Variants in EXOC2 observed in about 807,000 individuals in gnomAD.
EXOC2 encodes the protein SEC5-like 1.
Under a neutral mutation model 131.8 loss-of-function variants are expected in EXOC2, and 70 were observed. That is an observed-to-expected ratio of 0.53 (90% CI 0.44 to 0.65). The LOEUF (loss-of-function observed/expected upper bound fraction) is 0.65. Ranked by LOEUF, EXOC2 falls within the 30% of genes least tolerant of loss-of-function variation. The pLI is 0.00. For missense variants in EXOC2, 923 were observed against 1,108.6 expected (o/e 0.83, Z 2.38); for synonymous variants, 411 against 398.4 (o/e 1.03, Z -0.38).
At chr6:633,490 TA>T (rs1435559015) in intron 2 of EXOC2, among the ~76,000 whole-genome samples, 2 of 152,242 alleles carry the variant, frequency 1.3e-5, no homozygotes, top group East Asian at 1.9e-4. Context: ...CATAGAATTT[TA>T]AAGTGTATTA....
chr6:499,578 T>G (rs962929885), intron 24 of EXOC2, 67 bp downstream of exon 24: 3 of 1,382,856 alleles, frequency 2.2e-6, no homozygotes, highest in African/African-American at 1.5e-5. Flanking sequence ...AATAATCAAA[T>G]TTACATCTTT....
intron 4 of EXOC2, among the ~76,000 whole-genome samples, chr6:623,662 C>T (rs1761408571): frequency 6.6e-6 from 1 of 152,162 alleles, no homozygotes; most frequent in African/African-American, 2.4e-5. Flanking sequence ...TGAAACACAG[C>T]CCCCCAATTG....
At chr6:630,066 G>C in intron 3 of EXOC2, 105 bp from the exon 4 acceptor site, 1 of 1,329,752 alleles carries the variant, frequency 7.5e-7, no homozygotes, top group Non-Finnish European at 1.0e-6. Flanking sequence ...CAAAATGCCT[G>C]TTGGATAATC....
At chr6:641,085 A>T (rs1762332433) in intron 1 of EXOC2, among the ~76,000 whole-genome samples, 1 of 152,200 alleles carries the variant, frequency 6.6e-6, no homozygotes, top group Admixed American at 6.5e-5. Flanking sequence ...GTTTAAACAA[A>T]ATTGAAATAA....
intron 11 of EXOC2, among the ~76,000 whole-genome samples, chr6:588,511 T>C (rs187404210): frequency 2.0e-5 from 3 of 152,258 alleles, no homozygotes; most frequent in East Asian, 1.9e-4. Context: ...TATACCACCA[T>C]ACCTGGCTAA....
intron 2 of EXOC2, among the ~76,000 whole-genome samples, chr6:636,867 C>A (rs7743096): frequency 6.6e-6 from 1 of 152,142 alleles, no homozygotes. Context: ...GTCCCTAATA[C>A]CCGTGTATAT....
intron 21 of EXOC2, among the ~76,000 whole-genome samples, chr6:552,334 G>A (rs1031937916): frequency 1.3e-5 from 2 of 152,212 alleles, no homozygotes; most frequent in Non-Finnish European, 2.9e-5. Flanking sequence ...TGATGACCCT[G>A]CATTTCATGC....
chr6:598,468 C>G (rs901960265), intron 9 of EXOC2, among the ~76,000 whole-genome samples: 4 of 152,202 alleles, frequency 2.6e-5, no homozygotes, highest in African/African-American at 4.8e-5. Context: ...TTAGACATAA[C>G]TTCAAAAGTT....
rs9502197 is a variant in EXOC2, at chr6:506,090, C to T, written c.2381-6390G>A. ...TCTCTCGCTTCTCACAAAGACAGTC[C>T]TTTTGAGCATCAGGATCCATTTGAA... On this transcript the variant is annotated intron_variant, in intron 23 of 27. Transcript: ENST00000230449. This position sits in a 1 kb window ranked among gnomAD's most constrained non-coding sequence, Gnocchi z 4.4. Among the ~76,000 whole-genome samples, 208 of 152,292 alleles carry T rather than the reference C, an allele frequency of 1.4e-3. 2 individuals are homozygous for T. The highest frequency in any genetic ancestry group is 4.7e-3 in the African/African-American group (194 of 41,560).
At chr6:578,546 A>G (rs560974455) in intron 11 of EXOC2, among the ~76,000 whole-genome samples, 2 of 152,346 alleles carry the variant, frequency 1.3e-5, no homozygotes, top group South Asian at 2.1e-4. Flanking sequence ...GACGTGACAC[A>G]CTATCATCTC....
chr6:683,134 A>C (rs1764489407), intron 1 of EXOC2, among the ~76,000 whole-genome samples: 1 of 152,214 alleles, frequency 6.6e-6, no homozygotes, highest in Admixed American at 6.5e-5. Flanking sequence ...ACTCCAAGCT[A>C]AACAGACTGA....
chr6:688,306 G>A (rs1448561762), intron 1 of EXOC2, among the ~76,000 whole-genome samples: 10 of 151,574 alleles, frequency 6.6e-5, no homozygotes, highest in African/African-American at 1.9e-4. Flanking sequence ...TGGTGACCAT[G>A]GATTTATAGG....
chr6:639,168 C>T (rs1199916303), intron 1 of EXOC2, among the ~76,000 whole-genome samples: 1 of 152,130 alleles, frequency 6.6e-6, no homozygotes, highest in Admixed American at 6.5e-5. Context: ...CTCAGAGACC[C>T]CCAGCACAGC....
chr6:555,542 T>C (rs1338697052), intron 19 of EXOC2, among the ~76,000 whole-genome samples: 1 of 152,208 alleles, frequency 6.6e-6, no homozygotes, highest in East Asian at 1.9e-4. Context: ...ATTAAGTTTG[T>C]AAAGATATAT....
intron 15 of EXOC2, 44 bp from the exon 16 acceptor site, chr6:564,198 G>T (rs773431990): frequency 6.2e-7 from 1 of 1,600,854 alleles, no homozygotes; most frequent in Admixed American, 1.7e-5. Context: ...GAGTGGGATC[G>T]CAAAGCAATC....
chr6:535,568 AC>A (rs1263449017), intron 22 of EXOC2, among the ~76,000 whole-genome samples: 3 of 152,218 alleles, frequency 2.0e-5, no homozygotes, highest in African/African-American at 7.2e-5. Flanking sequence ...AGTCTTGACA[AC>A]ATAGAGGAAA....
At chr6:633,629 T>C (rs942826743) in intron 2 of EXOC2, among the ~76,000 whole-genome samples, 1 of 152,248 alleles carries the variant, frequency 6.6e-6, no homozygotes, top group Non-Finnish European at 1.5e-5. Context: ...AGGTTTTTTA[T>C]TTAAGCATAA....
intron 4 of EXOC2, among the ~76,000 whole-genome samples, chr6:624,642 G>C (rs1005176003): frequency 3.3e-5 from 5 of 152,176 alleles, no homozygotes; most frequent in African/African-American, 1.2e-4. Context: ...CTGTCAAACA[G>C]AGAACCAGAG....
At chr6:632,721 C>T (rs780964565) in intron 3 of EXOC2, among the ~76,000 whole-genome samples, 8 of 152,124 alleles carry the variant, frequency 5.3e-5, no homozygotes, top group African/African-American at 1.9e-4. Context: ...CTCATACGAC[C>T]GTCATCCTTA....
Sources: allele counts gnomAD v4.1 joint callset (sites outside exome capture counted in the v4.1 genomes callset), GRCh38; gene constraint gnomAD v4.1.1; non-coding constraint Gnocchi (gnomAD v3.1); transcripts MANE v1.5; gene names NCBI Gene and HGNC (gene_info 2026-07-23, HGNC 2026-07-21).